NKD1: variants seen among roughly 807,000 people sequenced by gnomAD.
The protein encoded by NKD1 is NKD inhibitor of Wnt signaling pathway 1, also known as protein naked cuticle homolog 1.
Under a neutral mutation model 56.0 loss-of-function variants are expected in NKD1, and 21 were observed. The ratio of observed to expected loss-of-function variants is 0.38; its 90% confidence interval spans 0.27 to 0.54. NKD1 has a LOEUF of 0.54. Among genes scored for constraint, NKD1 ranks in the 20% least tolerant of loss-of-function variants. The pLI is 0.82. For missense variants in NKD1, 578 were observed against 642.7 expected, an observed-to-expected ratio of 0.90 and a Z score of 1.09; for synonymous variants, 263 against 265.7, an observed-to-expected ratio of 0.99 and a Z score of 0.10.
In NKD1 at chr16:50,548,403, C is replaced by A; in HGVS notation, c.-151C>A. 1 of 331,154 alleles carries A rather than the reference C, an allele frequency of 3.0e-6. No individual in the cohort carries two copies. Among genetic ancestry groups the A allele is most frequent in the Non-Finnish European group, 4.8e-6 (1 of 209,754 alleles). The allele number at this position is 331,154 out of a possible 1,614,324, so 20.5% of individuals were successfully genotyped here. On this transcript the variant is annotated 5_prime_UTR_variant, in exon 1 of 10. Transcript: ENST00000268459. The stretch of plus-strand genomic sequence containing the variant: ...TCGGCGCTCCCGGGCGTCAGTCGGG[C>A]CGCGGCGACGGCGGCAGGAGCGCGT...
At chr16:50,548,633 G>A in intron 1 of NKD1, 55 bp downstream of exon 1, 1 of 1,448,100 alleles carries the variant, frequency 6.9e-7, no homozygotes, top group Non-Finnish European at 9.0e-7. Flanking sequence ...CGCCGCCGCG[G>A]TCGCTAACTC....
rs561605433 is a variant in NKD1 at position 50,602,105 on chromosome 16, G to A, written c.193-6189G>A. Among the ~76,000 whole-genome samples, 4 of 152,368 alleles carry A rather than the reference G, an allele frequency of 2.6e-5. No homozygotes were observed. In the East Asian group the frequency reaches 5.8e-4, roughly 22 times the overall value. On this transcript the variant is annotated intron_variant, in intron 3 of 9. Transcript: ENST00000268459. Reference sequence around the variant, plus strand: ...CTAGCACTTTCAGCCTGCCGAGCTTGTAGGCAGAGTGGGCTCTGGAGGCCC... The same window carrying A: ...CTAGCACTTTCAGCCTGCCGAGCTTATAGGCAGAGTGGGCTCTGGAGGCCC...
At chr16:50,621,191 G>C (rs1962079105) in intron 4 of NKD1, among the ~76,000 whole-genome samples, 1 of 152,246 alleles carries the variant, frequency 6.6e-6, no homozygotes, top group South Asian at 2.1e-4. Flanking sequence ...CACCTTTGAG[G>C]AGGCCAAAAT....
chr16:50,559,165 T>C (rs1960568838), intron 3 of NKD1, among the ~76,000 whole-genome samples: 1 of 152,172 alleles, frequency 6.6e-6, no homozygotes, highest in Admixed American at 6.5e-5. Context: ...TGGGTTGTTT[T>C]AAGGGTAGAA....
rs1040011808 is a variant in NKD1 at position 50,606,578 on chromosome 16, C to T, written c.193-1716C>T. The T allele has an allele frequency of 2.0e-5, 7 of 350,030 alleles. No individual in the cohort carries two copies. The East Asian group carries it at 3.0e-4, about 15-fold the overall frequency. The allele number at this position is 350,030 out of a possible 1,614,324, so 21.7% of individuals were successfully genotyped here. A position where few individuals can be genotyped will look rare whatever the true frequency, so the allele number is the denominator to read the frequency against. The stretch of plus-strand genomic sequence containing the variant: ...GTGACTGGGGTGCCTTGAGCACATG[C>T]GGTCATTGTCATAGGGTCCCACACG... On this transcript the variant is annotated intron_variant, in intron 3 of 9. Coordinates refer to ENST00000268459, the MANE Select transcript of NKD1 (RefSeq NM_033119.5).
chr16:50,627,345 TG>T (rs1962244766), intron 6 of NKD1, among the ~76,000 whole-genome samples: 1 of 152,182 alleles, frequency 6.6e-6, no homozygotes, highest in Non-Finnish European at 1.5e-5. Flanking sequence ...AGTAGCAAGA[TG>T]ATTGCTGACA....
Position 50,633,622 on chromosome 16 carries a change from A to G in NKD1, c.1254A>G (p.Ala418=), listed in dbSNP as rs769297411. 6.2e-7 allele frequency: 1 copy of G among 1,609,684 alleles called. No individual in the cohort carries two copies. Among genetic ancestry groups the G allele is most frequent in the East Asian group, 2.2e-5 (1 of 44,730 alleles). ...ESQQGCRGLQ[A]PLASGGPVLG... is the part of the protein sequence containing the mutation. ...AGCAGGGCTGCCGGGGCCTGCAGGC[A>G]CCACTGGCCTCAGGTGGCCCTGTCC... The change falls in exon 10 of 10, where the codon GCA becomes GCG. Residue 418 remains alanine (A), a synonymous_variant. Transcript: ENST00000268459. This position sits in a 1 kb window ranked among gnomAD's most constrained non-coding sequence, Gnocchi z 4.9.
chr16:50,598,262 T>TGTGTGCGC lies in NKD1; in HGVS notation c.193-10031_193-10030insTGTGCGCG, dbSNP rs138964473. Among the ~76,000 whole-genome samples, 8 of 148,662 alleles carry TGTGTGCGC rather than the reference T, an allele frequency of 5.4e-5. No individual in the cohort carries two copies. The highest frequency in any genetic ancestry group is 2.0e-4 in the African/African-American group (8 of 39,154). On this transcript the variant is annotated intron_variant, in intron 3 of 9. Transcript: ENST00000268459. The surrounding 1 kb of genome is among the most constrained non-coding windows in gnomAD (Gnocchi z 4.2). ...GTGTGTGTGTGTGTGTGTGTGTGTGTGCGCGCACACCTGTGCTCATGGACA... is the reference window on the plus strand; with the variant it reads ...GTGTGTGTGTGTGTGTGTGTGTGTGTGTGTGCGCGCGCGCACACCTGTGCTCATGGACA...
chr16:50,616,363 C>T (rs187783044), intron 4 of NKD1, among the ~76,000 whole-genome samples: 20 of 152,340 alleles, frequency 1.3e-4, no homozygotes, highest in Admixed American at 1.2e-3. Context: ...GTTTCATATG[C>T]ACCAGGCCTT....
intron 3 of NKD1, among the ~76,000 whole-genome samples, chr16:50,604,416 G>C (rs1961661725): frequency 6.6e-6 from 1 of 152,174 alleles, no homozygotes; most frequent in Non-Finnish European, 1.5e-5. Flanking sequence ...GAGTCTCTCG[G>C]CTTGTCCCAG....
At chr16:50,570,985 G>A (rs1276494169) in intron 3 of NKD1, 12 of 985,296 alleles carry the variant, frequency 1.2e-5, no homozygotes, top group Non-Finnish European at 1.4e-5. Context: ...ATCCTTCACT[G>A]GGCTCATGGC....
At chr16:50,566,560 C>T (rs1960764055) in intron 3 of NKD1, among the ~76,000 whole-genome samples, 1 of 152,222 alleles carries the variant, frequency 6.6e-6, no homozygotes, top group Admixed American at 6.5e-5. Flanking sequence ...CTTGAACCTC[C>T]CTAATGAGAA....
chr16:50,599,725 C>T (rs538924076), intron 3 of NKD1, among the ~76,000 whole-genome samples: 5 of 152,272 alleles, frequency 3.3e-5, no homozygotes, highest in East Asian at 3.9e-4. Context: ...ACTGTCTAGT[C>T]GGAAAATTGT....
At chr16:50,589,777 C>T (rs1372411469) in intron 3 of NKD1, among the ~76,000 whole-genome samples, 1 of 106,050 alleles carries the variant, frequency 9.4e-6, no homozygotes, top group Non-Finnish European at 2.0e-5. Flanking sequence ...CTCTCCTCTC[C>T]TCTCCTCTCC....
intron 4 of NKD1, among the ~76,000 whole-genome samples, chr16:50,617,031 CCTT>C (rs1052284045): frequency 1.3e-5 from 2 of 152,170 alleles, no homozygotes; most frequent in African/African-American, 4.8e-5. Flanking sequence ...ATTTCACAGG[CCTT>C]CTTCTCTTGC....
intron 3 of NKD1, among the ~76,000 whole-genome samples, chr16:50,577,070 T>C (rs985504151): frequency 6.6e-6 from 1 of 152,194 alleles, no homozygotes; most frequent in African/African-American, 2.4e-5. Context: ...ATGATACAAA[T>C]ATTTTACACC....
At position 50,636,394 on chromosome 16, in the gene NKD1, G is replaced by A. The variant is rs1195948631; in HGVS notation, c.*2613G>A. On this transcript the variant is annotated 3_prime_UTR_variant, in exon 10 of 10. Coordinates refer to ENST00000268459, the MANE Select transcript of NKD1 (RefSeq NM_033119.5). ...TTTAAAAACATTATTTAAAAAAATA[G>A]TAATGTGCACATGTAAAAGATTCAA... The A allele has an allele frequency of 6.6e-6, 1 of 152,208 alleles. No homozygotes were observed. Among genetic ancestry groups the A allele is most frequent in the Admixed American group, 6.5e-5 (1 of 15,284 alleles). The allele number at this position is 152,208 out of a possible 1,614,324, so 9.4% of individuals were successfully genotyped here.
At position 50,638,688 on chromosome 16, in the gene NKD1, C is replaced by T. The variant is rs1357742497; in HGVS notation, c.*4907C>T. 1 of 152,224 alleles carries T rather than the reference C, an allele frequency of 6.6e-6. No individual in the cohort carries two copies. The allele number at this position is 152,224 out of a possible 1,614,324, so 9.4% of individuals were successfully genotyped here. On this transcript the variant is annotated 3_prime_UTR_variant, in exon 10 of 10. Transcript: ENST00000268459. ...TACCCCAACCCTCTGCTCAGGGGCT[C>T]ATACCCCCAAATGATTTTCCTGATT...
chr16:50,615,275 G>T (rs181621381), intron 4 of NKD1, among the ~76,000 whole-genome samples: 1 of 152,300 alleles, frequency 6.6e-6, no homozygotes, highest in East Asian at 1.9e-4. Context: ...GCTACTTACC[G>T]TTGTTTCATT....
Sources: allele counts gnomAD v4.1 joint callset (sites outside exome capture counted in the v4.1 genomes callset), GRCh38; gene constraint gnomAD v4.1.1; non-coding constraint Gnocchi (gnomAD v3.1); transcripts MANE v1.5; gene names NCBI Gene and HGNC (gene_info 2026-07-23, HGNC 2026-07-21).